Variants in STK25 observed in about 807,000 individuals in gnomAD.
STK25 encodes the protein serine/threonine kinase 25, also known as serine/threonine-protein kinase 25.
A neutral mutation model predicts 53.8 loss-of-function variants in STK25; 29 were observed. That is an observed-to-expected ratio of 0.54 (90% confidence interval 0.40 to 0.74). STK25 has a LOEUF of 0.74. Ranked by LOEUF, STK25 falls within the 30% of genes least tolerant of loss-of-function variation. The pLI is 0.00. For missense variants in STK25, 420 were observed against 568.0 expected, an observed-to-expected ratio of 0.74 and a Z score of 2.65; for synonymous variants, 247 against 238.3, an observed-to-expected ratio of 1.04 and a Z score of -0.33.
Position 241,500,289 on chromosome 2 carries a change from G to T in STK25, c.319-8C>A. 6.2e-7 allele frequency: 1 copy of T among 1,606,670 alleles called. No homozygotes were observed. The highest frequency in any genetic ancestry group is 8.5e-7 in the Non-Finnish European group (1 of 1,173,414). On this transcript the variant is annotated splice_polypyrimidine_tract_variant and splice_region_variant and intron_variant, in intron 4 of 11. Coordinates refer to ENST00000316586, the MANE Select transcript of STK25 (RefSeq NM_001271977.2). ...CAGGGGACCTGGTTTAAGCTGGAGA[G>T]GAAGGTGCGACAGCAGGGCCTCAGC...
chr2:241,504,850 G>A (rs2065727128), intron 2 of STK25, among the ~76,000 whole-genome samples: 1 of 151,940 alleles, frequency 6.6e-6, no homozygotes, highest in African/African-American at 2.4e-5. Context: ...TTCTGGTGGA[G>A]GACCACCCGT....
chr2:241,495,938 G>A lies in STK25; in HGVS notation c.1242-237C>T, dbSNP rs34257026. On this transcript the variant is annotated intron_variant, in intron 11 of 11. Transcript: ENST00000316586. ...CCCTGTGTGTGGACCAGGACTTGGC[G>A]CATCTGCCGGCGGCATGGCGGTTGG... Among the ~76,000 whole-genome samples the A allele has an allele frequency of 4.7e-4, 71 of 152,390 alleles. 2 individuals are homozygous for A. In the East Asian group the frequency reaches 0.013, roughly 28 times the overall value.
Position 241,502,756 on chromosome 2 carries a change from T to A in STK25, c.31-1048A>T, listed in dbSNP as rs575303961. Among the ~76,000 whole-genome samples the A allele has an allele frequency of 3.7e-3, 540 of 146,056 alleles. 1 individual carries two copies. The highest frequency in any genetic ancestry group is 3.4e-3 in the Non-Finnish European group (227 of 65,814). On this transcript the variant is annotated intron_variant, in intron 2 of 11. Transcript: ENST00000316586. ...CTAGGTCTCAAAAAAATAAAAAATT[T>A]AAAAAAAAAAACCTCATCAAAAACA...
rs750272830 is a variant in STK25, at chr2:241,498,291, G to A, written c.976C>T (p.Arg326Trp). ...TGAAGCTTGCTGTGTGGACTCGGCC[G>A]GATGGTAGGGGGGAACGTCCAGATG... ...GPIWTFPPTI[R>W]PSPHSKLHKG... The change falls in exon 9 of 12, where the codon CGG becomes TGG. Residue 326 changes from arginine (R) to tryptophan (W), a missense_variant. Physicochemically the swap from Arg to Trp is moderately radical, Grantham distance 101. Transcript: ENST00000316586. 1.2e-5 allele frequency: 19 copies of A among 1,609,934 alleles called. No individual in the cohort carries two copies. The highest frequency in any genetic ancestry group is 4.0e-5 in the African/African-American group (3 of 74,852).
chr2:241,497,014 G>T (rs983318812), intron 10 of STK25, among the ~76,000 whole-genome samples: 1 of 152,222 alleles, frequency 6.6e-6, no homozygotes, highest in Non-Finnish European at 1.5e-5. Flanking sequence ...CCAGGACCTG[G>T]ACCCGAGTGG....
rs977795458 is a variant in STK25, at chr2:241,502,727, G to A, written c.31-1019C>T. 2.9e-4 allele frequency among the ~76,000 whole-genome samples: 44 copies of A among 151,246 alleles called. 1 individual carries two copies. Among genetic ancestry groups the A allele is most frequent in the Non-Finnish European group, 8.8e-5 (6 of 67,856 alleles). The stretch of plus-strand genomic sequence containing the variant: ...GCACTCCAGCCTGGGCAACAAGAGC[G>A]AAACTAGGTCTCAAAAAAATAAAAA... On this transcript the variant is annotated intron_variant, in intron 2 of 11. Transcript: ENST00000316586.
chr2:241,493,154 C>G lies in STK25; in HGVS notation c.*2508G>C. On this transcript the variant is annotated 3_prime_UTR_variant, in exon 12 of 12. Coordinates refer to ENST00000316586, the MANE Select transcript of STK25 (RefSeq NM_001271977.2). ...CCCTCCCATGCTTTGCCCACACACC[C>G]TGTGCTGTGTGAACAGGGAAACTGG... 1 of 1,161,614 alleles carries G rather than the reference C, an allele frequency of 8.6e-7. No homozygotes were observed. The highest frequency in any genetic ancestry group is 1.3e-5 in the South Asian group (1 of 75,732). The allele number at this position is 1,161,614 out of a possible 1,614,324, so 72.0% of individuals were successfully genotyped here. A position where few individuals can be genotyped will look rare whatever the true frequency, so the allele number is the denominator to read the frequency against.
At position 241,494,604 on chromosome 2, in the gene STK25, GT is replaced by G. The variant is rs2065053707; in HGVS notation, c.*1057del. The G allele has an allele frequency of 6.6e-6, 1 of 152,356 alleles. No homozygotes were observed. Among genetic ancestry groups the G allele is most frequent in the Non-Finnish European group, 1.5e-5 (1 of 68,140 alleles). The allele number at this position is 152,356 out of a possible 1,614,324, so 9.4% of individuals were successfully genotyped here. ...CACAGCCATGCTGACCTTCCATCTGGTGAACCAAGTGGCAGCCCCAGGGGCC... is the reference window on the plus strand; with the variant it reads ...CACAGCCATGCTGACCTTCCATCTGGGAACCAAGTGGCAGCCCCAGGGGCC... On this transcript the variant is annotated 3_prime_UTR_variant, in exon 12 of 12. Coordinates refer to ENST00000316586, the MANE Select transcript of STK25 (RefSeq NM_001271977.2). This position sits in a 1 kb window ranked among gnomAD's most constrained non-coding sequence, Gnocchi z 4.9.
intron 2 of STK25, among the ~76,000 whole-genome samples, chr2:241,507,375 A>T (rs2065897239): frequency 6.6e-6 from 1 of 152,190 alleles, no homozygotes; most frequent in Non-Finnish European, 1.5e-5. Context: ...GTGGCTCCAT[A>T]GTGGAAACGA....
At position 241,501,811 on chromosome 2, in the gene STK25, G is replaced by A; in HGVS notation, c.31-103C>T. 1.2e-6 allele frequency: 1 copy of A among 802,552 alleles called. No homozygotes were observed. The highest frequency in any genetic ancestry group is 2.0e-6 in the Non-Finnish European group (1 of 495,104). The allele number at this position is 802,552 out of a possible 1,614,324, so 49.7% of individuals were successfully genotyped here. The stretch of plus-strand genomic sequence containing the variant: ...GGGGAGGAAGGGACCTGTAGGGAAG[G>A]GGGAGTCCAAGGGAGCGCACCTCAA... On this transcript the variant is annotated intron_variant, in intron 2 of 11. Coordinates refer to ENST00000316586, the MANE Select transcript of STK25 (RefSeq NM_001271977.2). The surrounding 1 kb of genome is among the most constrained non-coding windows in gnomAD (Gnocchi z 5.3).
chr2:241,495,515 G>A lies in STK25; in HGVS notation c.*147C>T. The A allele has an allele frequency of 1.3e-6, 1 of 776,902 alleles. No homozygotes were observed. The highest frequency in any genetic ancestry group is 2.2e-6 in the Non-Finnish European group (1 of 455,796). 48.1% of individuals were successfully genotyped at this position (776,902 alleles called of 1,614,324 possible). On this transcript the variant is annotated 3_prime_UTR_variant, in exon 12 of 12. Transcript: ENST00000316586. ...CAGGGGTGGAAGGAGACGGTGACCT[G>A]GTGACCTGGCATGTGAGGCCCACGG...
chr2:241,508,680 G>T, upstream of STK25: 1 of 985,964 alleles, frequency 1.0e-6, no homozygotes, highest in Non-Finnish European at 1.2e-6. Flanking sequence ...CCGGAAGCCT[G>T]CTGGCGTTGG....
At position 241,492,800 on chromosome 2, in the gene STK25, C is replaced by T. The variant is rs2064975224; in HGVS notation, c.*2862G>A. 4.8e-6 allele frequency: 3 copies of T among 624,976 alleles called. No homozygotes were observed. Among genetic ancestry groups the T allele is most frequent in the South Asian group, 3.8e-5 (2 of 52,570 alleles). 38.7% of individuals were successfully genotyped at this position (624,976 alleles called of 1,614,324 possible). On this transcript the variant is annotated 3_prime_UTR_variant, in exon 12 of 12. Transcript: ENST00000316586. ...GTACTGATAAAGCTGCTGTTCATAG[C>T]AGTCCAGAGGTAAAACCAAGGCCTC...
Position 241,492,857 on chromosome 2 carries a change from G to A in STK25, c.*2805C>T. The A allele has an allele frequency of 1.2e-6, 1 of 853,620 alleles. No individual in the cohort carries two copies. Among genetic ancestry groups the A allele is most frequent in the Non-Finnish European group, 2.0e-6 (1 of 498,548 alleles). The allele number at this position is 853,620 out of a possible 1,614,324, so 52.9% of individuals were successfully genotyped here. A position where few individuals can be genotyped will look rare whatever the true frequency, so the allele number is the denominator to read the frequency against. On this transcript the variant is annotated 3_prime_UTR_variant, in exon 12 of 12. Transcript: ENST00000316586. ...AGAAAGCATGCAGAGGCTTAGTCTT[G>A]GGGAGCAAACCCACTCCCACAAGGG...
chr2:241,497,527 A>T, intron 10 of STK25, 89 bp downstream of exon 10: 1 of 1,354,186 alleles, frequency 7.4e-7, no homozygotes, highest in Non-Finnish European at 1.1e-6. Flanking sequence ...AAACCACCCC[A>T]CAGTGCTGTG....
rs2065162459 is a variant in STK25 at position 241,496,422 on chromosome 2, A to G, written c.1217T>C (p.Val406Ala). 6.2e-7 allele frequency: 1 copy of G among 1,613,560 alleles called. No homozygotes were observed. Among genetic ancestry groups the G allele is most frequent in the Non-Finnish European group, 8.5e-7 (1 of 1,179,920 alleles). The part of the protein sequence containing the change: ...SCPGISDKLM[V>A]HLVERVQRFS... The stretch of plus-strand genomic sequence containing the variant: ...CCTCTGCACTCGCTCCACCAGGTGC[A>G]CCATCAGCTTGTCTGAGATGCCGGG... The change falls in exon 11 of 12, where the codon GTG (valine) becomes GCG (alanine). Residue 406 changes from valine (V) to alanine (A), a missense_variant. By Grantham distance (64) the Val-to-Ala change is moderately conservative (BLOSUM62 0). Transcript: ENST00000316586. The surrounding 1 kb of genome is among the most constrained non-coding windows in gnomAD (Gnocchi z 5.8).
At chr2:241,507,976 G>A (rs781206267) in intron 2 of STK25, 30 bp downstream of exon 2, 8 of 1,569,886 alleles carry the variant, frequency 5.1e-6, no homozygotes, top group Non-Finnish European at 6.1e-6. Context: ...GTGAGAGGCC[G>A]CTAGTCTTCC....
intron 2 of STK25, among the ~76,000 whole-genome samples, chr2:241,504,746 C>G (rs1044254495): frequency 2.6e-5 from 4 of 152,086 alleles, no homozygotes; most frequent in Non-Finnish European, 4.4e-5. Context: ...GCTCATCAGC[C>G]CACTGGCTGT....
chr2:241,493,677 C>G lies in STK25; in HGVS notation c.*1985G>C. ...TGATACAATCTTGGCTCACTATAAC[C>G]TGCACCTCCAGGGTTCAAGCGATTC... On this transcript the variant is annotated 3_prime_UTR_variant, in exon 12 of 12. Coordinates refer to ENST00000316586, the MANE Select transcript of STK25 (RefSeq NM_001271977.2). 1.8e-6 allele frequency: 1 copy of G among 559,644 alleles called. No individual in the cohort carries two copies. Among genetic ancestry groups the G allele is most frequent in the East Asian group, 3.0e-5 (1 of 33,372 alleles). The allele number at this position is 559,644 out of a possible 1,614,324, so 34.7% of individuals were successfully genotyped here. A position where few individuals can be genotyped will look rare whatever the true frequency, so the allele number is the denominator to read the frequency against.
Sources: allele counts gnomAD v4.1 joint callset (sites outside exome capture counted in the v4.1 genomes callset), GRCh38; gene constraint gnomAD v4.1.1; non-coding constraint Gnocchi (gnomAD v3.1); transcripts MANE v1.5; gene names NCBI Gene and HGNC (gene_info 2026-07-23, HGNC 2026-07-21).